The following MYO3B variants were observed in gnomAD, a reference collection of about 807,000 sequenced individuals.
MYO3B encodes the protein myosin IIIB.
Under a neutral mutation model 174.6 loss-of-function variants are expected in MYO3B, and 156 were observed. The ratio of observed to expected loss-of-function variants is 0.89; its 90% CI spans 0.78 to 1.02. MYO3B has a LOEUF of 1.02. Ranked by LOEUF, MYO3B falls within the 50% of genes least tolerant of loss-of-function variation. The pLI, the probability that MYO3B is intolerant of heterozygous loss-of-function variation, is 0.00. For synonymous variants in MYO3B, 563 were observed against 569.1 expected, an observed-to-expected ratio of 0.99 and a Z score of 0.15; for missense variants, 1,632 against 1,639.4, an observed-to-expected ratio of 1.00 and a Z score of 0.08.
At chr2:170,625,034 T>C (rs1447297879) in intron 32 of MYO3B, among the ~76,000 whole-genome samples, 1 of 152,208 alleles carries the variant, frequency 6.6e-6, no homozygotes, top group Non-Finnish European at 1.5e-5. Flanking sequence ...TCTCTTGTTT[T>C]GTTGTGTCTC....
At position 170,206,736 on chromosome 2, in the gene MYO3B, C is replaced by G. The variant is rs114430491; in HGVS notation, c.321+6452C>G. ...CTCTCCCTCTTCCCTCTCCCTTTTC[C>G]CTGGGTGGCATCTGGATCTGGGTAC... is the stretch of plus-strand genomic sequence containing the variant. On this transcript the variant is annotated intron_variant, in intron 3 of 34. Coordinates refer to ENST00000408978, the MANE Select transcript of MYO3B (RefSeq NM_138995.5). This position sits in a 1 kb window ranked among gnomAD's most constrained non-coding sequence, Gnocchi z 4.3. 0.013 allele frequency among the ~76,000 whole-genome samples: 2,008 copies of G among 152,188 alleles called. 32 individuals carry two copies. The highest frequency in any genetic ancestry group is 0.044 in the Middle Eastern group (13 of 294).
At chr2:170,401,825 C>G (rs1021211842) in intron 18 of MYO3B, 134 bp downstream of exon 18, 12 of 676,580 alleles carry the variant, frequency 1.8e-5, no homozygotes, top group African/African-American at 4.4e-5. Context: ...TTTGTGGAGT[C>G]AGAGTCTCAC....
chr2:170,182,272 C>T (rs967376572), intron 1 of MYO3B, among the ~76,000 whole-genome samples: 7 of 151,906 alleles, frequency 4.6e-5, no homozygotes, highest in Admixed American at 6.6e-5. Context: ...AAATTTTGAG[C>T]CACCATACTC....
chr2:170,317,896 G>A (rs2093787039), intron 7 of MYO3B, among the ~76,000 whole-genome samples: 1 of 152,022 alleles, frequency 6.6e-6, no homozygotes, highest in South Asian at 2.1e-4. Flanking sequence ...CTAAATTTTT[G>A]GTCACAGGAT....
At chr2:170,615,532 A>C (rs1203881459) in intron 32 of MYO3B, among the ~76,000 whole-genome samples, 2 of 152,240 alleles carry the variant, frequency 1.3e-5, no homozygotes, top group African/African-American at 4.8e-5. Context: ...GAAGTGAGTG[A>C]GGGGAGGAGG....
intron 32 of MYO3B, among the ~76,000 whole-genome samples, chr2:170,617,690 G>A (rs766689655): frequency 1.8e-4 from 28 of 152,288 alleles, no homozygotes; most frequent in Middle Eastern, 6.8e-3. Context: ...AGGAAAAAAG[G>A]AGTTAAATCT....
At chr2:170,352,028 C>T (rs2094075994) in intron 8 of MYO3B, among the ~76,000 whole-genome samples, 2 of 152,200 alleles carry the variant, frequency 1.3e-5, no homozygotes, top group Non-Finnish European at 2.9e-5. Flanking sequence ...TCTCGGCTCA[C>T]TGCAACCTCC....
At chr2:170,607,783 A>G (rs547220594) in intron 32 of MYO3B, among the ~76,000 whole-genome samples, 1 of 152,338 alleles carries the variant, frequency 6.6e-6, no homozygotes, top group African/African-American at 2.4e-5. Context: ...TGGTAAAAAT[A>G]CCTACATTAG....
chr2:170,281,832 TAAGAA>T (rs1405914023), intron 7 of MYO3B, among the ~76,000 whole-genome samples: 1 of 152,014 alleles, frequency 6.6e-6, no homozygotes, highest in East Asian at 1.9e-4. Flanking sequence ...GCTAGACTAA[TAAGAA>T]AAGAGAGAAG....
In MYO3B at chr2:170,200,274, T is replaced by A. The variant is rs760455994; in HGVS notation, c.311T>A (p.Leu104Gln). ...ADHCVGGQLW[L>Q]VLELCNGGSV... ...CACTGTGTAGGGGGACAGCTGTGGC[T>A]GGTCCTGGAGGTAAGAGGCTCCCAT... The change falls in exon 3 of 35, where the codon CTG becomes CAG. Residue 104 changes from leucine (L) to glutamine (Q), a missense_variant. Transcript: ENST00000408978. 11 of 1,611,520 alleles carry A rather than the reference T, an allele frequency of 6.8e-6. No individual in the cohort carries two copies. Among genetic ancestry groups the A allele is most frequent in the African/African-American group, 1.3e-5 (1 of 74,776 alleles).
intron 8 of MYO3B, among the ~76,000 whole-genome samples, chr2:170,362,493 A>G (rs2094168983): frequency 6.6e-6 from 1 of 152,116 alleles, no homozygotes; most frequent in African/African-American, 2.4e-5. Flanking sequence ...TGCTTTTTAC[A>G]CAGACTCTAT....
At chr2:170,496,416 C>T (rs185949191) in intron 25 of MYO3B, among the ~76,000 whole-genome samples, 2 of 151,946 alleles carry the variant, frequency 1.3e-5, no homozygotes, top group East Asian at 1.9e-4. Flanking sequence ...AGATTAGTCT[C>T]GTTTGAGGAA....
At chr2:170,587,733 T>G (rs980491542) in intron 32 of MYO3B, among the ~76,000 whole-genome samples, 2 of 152,188 alleles carry the variant, frequency 1.3e-5, no homozygotes, top group Non-Finnish European at 2.9e-5. Flanking sequence ...GTTTGCAGTG[T>G]AAAAGAAAGG....
chr2:170,349,162 A>G (rs2094040779), intron 8 of MYO3B, among the ~76,000 whole-genome samples: 1 of 152,060 alleles, frequency 6.6e-6, no homozygotes, highest in Admixed American at 6.6e-5. Context: ...CTCTCCTCCA[A>G]ACTCCCTGCA....
chr2:170,349,118 A>G (rs896405922), intron 8 of MYO3B, among the ~76,000 whole-genome samples: 11 of 152,182 alleles, frequency 7.2e-5, no homozygotes, highest in Non-Finnish European at 1.6e-4. Context: ...ACACAAGGTC[A>G]TGAAGGATCT....
At chr2:170,428,719 A>G (rs1323709127) in intron 22 of MYO3B, among the ~76,000 whole-genome samples, 1 of 152,176 alleles carries the variant, frequency 6.6e-6, no homozygotes, top group Non-Finnish European at 1.5e-5. Context: ...TCTACACCAC[A>G]TGCCTGGCAT....
At chr2:170,641,997 T>C (rs1698009766) in intron 32 of MYO3B, among the ~76,000 whole-genome samples, 1 of 152,114 alleles carries the variant, frequency 6.6e-6, no homozygotes, top group Non-Finnish European at 1.5e-5. Flanking sequence ...AACTTTGTTT[T>C]TAGAGACTGA....
At chr2:170,597,054 A>AG (rs2106334647) in intron 32 of MYO3B, among the ~76,000 whole-genome samples, 1 of 152,050 alleles carries the variant, frequency 6.6e-6, no homozygotes, top group South Asian at 2.1e-4. Context: ...CCCTACTCTC[A>AG]GCATCCCTGT....
At chr2:170,441,777 A>T (rs13386246) in intron 22 of MYO3B, among the ~76,000 whole-genome samples, 13,569 of 152,284 alleles carry the variant, frequency 0.089, 668 homozygotes, top group South Asian at 0.19. Context: ...TATAATTAGC[A>T]TATAATGAAC....
Sources: gnomAD v4.1 joint callset for allele counts (sites outside exome capture counted in the v4.1 genomes callset) on GRCh38, gnomAD v4.1.1 for gene constraint, Gnocchi (gnomAD v3.1) non-coding constraint, MANE v1.5 for transcripts, NCBI Gene and HGNC (gene_info 2026-07-23, HGNC 2026-07-21) for gene names.